Variants in RGS9 observed in about 807,000 individuals in gnomAD.
RGS9 encodes the protein regulator of G-protein signalling 9.
In RGS9, 78 loss-of-function variants were observed where a neutral mutation model predicts 102.0. The ratio of observed to expected loss-of-function variants is 0.76; its 90% confidence interval spans 0.64 to 0.92. RGS9 has a LOEUF of 0.92. Ranked by LOEUF, RGS9 falls within the 40% of genes least tolerant of loss-of-function variation. The pLI is 0.00. For synonymous variants in RGS9, 353 were observed against 318.6 expected (o/e 1.11, Z -1.15); for missense variants, 833 against 866.1 (o/e 0.96, Z 0.48).
At chr17:65,148,096 G>C (rs544806838) in intron 1 of RGS9, among the ~76,000 whole-genome samples, 112 of 152,216 alleles carry the variant, frequency 7.4e-4, no homozygotes, top group Non-Finnish European at 5.4e-4. Context: ...CTAACCCCTG[G>C]CAACCACCAT....
intron 14 of RGS9, among the ~76,000 whole-genome samples, chr17:65,202,497 G>C (rs1409837415): frequency 6.6e-6 from 1 of 150,454 alleles, no homozygotes; most frequent in African/African-American, 2.5e-5. Flanking sequence ...GCAGCAAGAT[G>C]GGAAACCTAT....
At chr17:65,193,254 C>CAAA (rs377349682) in intron 11 of RGS9, among the ~76,000 whole-genome samples, 24 of 83,146 alleles carry the variant, frequency 2.9e-4, no homozygotes, top group African/African-American at 7.7e-4. Flanking sequence ...TTGGCTGTCT[C>CAAA]AAAAAAAAAA....
At chr17:65,200,894 CATATCCACT>C (rs1243856149) in intron 13 of RGS9, among the ~76,000 whole-genome samples, 1 of 152,152 alleles carries the variant, frequency 6.6e-6, no homozygotes, top group East Asian at 1.9e-4. Flanking sequence ...TATGTAGATA[CATATCCACT>C]TATGTGTCCA....
At chr17:65,163,782 A>G (rs1485390461) in intron 7 of RGS9, among the ~76,000 whole-genome samples, 3 of 152,218 alleles carry the variant, frequency 2.0e-5, no homozygotes, top group African/African-American at 7.2e-5. Flanking sequence ...CAGAGGCTGG[A>G]GGCAGGAGTG....
intron 13 of RGS9, 72 bp downstream of exon 13, chr17:65,197,313 G>T: frequency 9.9e-7 from 1 of 1,013,338 alleles, no homozygotes; most frequent in South Asian, 1.4e-5. Flanking sequence ...TCTAGCCTAG[G>T]GTTTGGGGAA....
chr17:65,207,012 T>C (rs957079475), intron 15 of RGS9, among the ~76,000 whole-genome samples: 2 of 152,220 alleles, frequency 1.3e-5, no homozygotes, highest in African/African-American at 2.4e-5. Flanking sequence ...CTTTGTCCCA[T>C]ATTGGGTATG....
intron 1 of RGS9, among the ~76,000 whole-genome samples, chr17:65,140,885 TAA>T (rs5821625): frequency 2.3e-3 from 333 of 146,112 alleles, no homozygotes; most frequent in Non-Finnish European, 2.4e-3. Context: ...AGACTCTGTC[TAA>T]AAAAAAAAAA....
intron 9 of RGS9, among the ~76,000 whole-genome samples, chr17:65,188,133 G>C (rs1012504195): frequency 6.6e-6 from 1 of 151,996 alleles, no homozygotes; most frequent in Non-Finnish European, 1.5e-5. Context: ...CAGTCTCCAG[G>C]AGTTACATGG....
intron 7 of RGS9, among the ~76,000 whole-genome samples, chr17:65,164,243 G>C (rs1469840689): frequency 6.6e-6 from 1 of 152,096 alleles, no homozygotes. Flanking sequence ...CCACTTCCAG[G>C]ACCCATATGC....
intron 8 of RGS9, among the ~76,000 whole-genome samples, chr17:65,170,091 G>A (rs1034272475): frequency 8.0e-6 from 1 of 124,942 alleles, no homozygotes; most frequent in African/African-American, 3.2e-5. Context: ...GCCTTGCTCT[G>A]TCACCCAGGC....
intron 17 of RGS9, among the ~76,000 whole-genome samples, chr17:65,215,708 C>T (rs547557933): frequency 7.8e-6 from 1 of 127,780 alleles, no homozygotes; most frequent in East Asian, 2.0e-4. Context: ...TTACAGGCAC[C>T]CACCACCACG....
intron 14 of RGS9, among the ~76,000 whole-genome samples, chr17:65,202,327 AG>A (rs1401146324): frequency 6.6e-6 from 1 of 151,886 alleles, no homozygotes; most frequent in African/African-American, 2.4e-5. Flanking sequence ...GAATGTGTCT[AG>A]GGGTTAAAAA....
At chr17:65,177,670 C>A in intron 8 of RGS9, 62 bp from the exon 9 acceptor site, 1 of 1,482,868 alleles carries the variant, frequency 6.7e-7, no homozygotes, top group Non-Finnish European at 9.4e-7. Flanking sequence ...CCAAGACCCA[C>A]AGTTAACCAG....
chr17:65,225,311 C>T lies in RGS9; in HGVS notation c.1717C>T (p.Pro573Ser). 5 of 1,610,210 alleles carry T rather than the reference C, an allele frequency of 3.1e-6. No individual in the cohort carries two copies. The East Asian group carries it at 8.9e-5, about 29-fold the overall frequency. ...TSWPRSRPRA[P>S]PKARMALSFS... ...CTGGCCTCGCAGCCGGCCCAGGGCC[C>T]CTCCTAAGGCCCGCATGGCTCTGTC... The change falls in exon 18 of 19, where the codon CCT becomes TCT. Residue 573 changes from proline (P) to serine (S), a missense_variant. Coordinates refer to ENST00000262406, the MANE Select transcript of RGS9 (RefSeq NM_003835.4).
At chr17:65,192,647 G>C (rs751450042) in intron 11 of RGS9, among the ~76,000 whole-genome samples, 24 of 151,878 alleles carry the variant, frequency 1.6e-4, no homozygotes, top group Middle Eastern at 3.4e-3. Flanking sequence ...ATTACAGCTA[G>C]ATAGTGTTCT....
Position 65,198,399 on chromosome 17 carries a change from G to A in RGS9, c.976+1158G>A, listed in dbSNP as rs532966810. The stretch of plus-strand genomic sequence containing the variant: ...GCCTCCCAAGTAGCTGGGACTATAG[G>A]CACGTGCCACCACACCTGGCTAATT... On this transcript the variant is annotated intron_variant, in intron 13 of 18. Coordinates refer to ENST00000262406, the MANE Select transcript of RGS9 (RefSeq NM_003835.4). Among the ~76,000 whole-genome samples, 782 of 152,222 alleles carry A rather than the reference G, an allele frequency of 5.1e-3. 6 individuals are homozygous for A. Among genetic ancestry groups the A allele is most frequent in the African/African-American group, 0.017 (720 of 41,528 alleles).
intron 9 of RGS9, 115 bp from the exon 10 acceptor site, chr17:65,189,171 A>T: frequency 1.2e-6 from 1 of 836,996 alleles, no homozygotes. Context: ...ATCTTTTAAG[A>T]AAGAAAAAAA....
intron 8 of RGS9, among the ~76,000 whole-genome samples, chr17:65,171,251 T>A (rs542259177): frequency 6.6e-6 from 1 of 152,292 alleles, no homozygotes; most frequent in African/African-American, 2.4e-5. Flanking sequence ...GTGCTGGGTG[T>A]GAAATAACAG....
intron 17 of RGS9, 154 bp downstream of exon 17, chr17:65,210,759 G>A: frequency 3.8e-6 from 5 of 1,316,476 alleles, no homozygotes; most frequent in Non-Finnish European, 5.2e-6. Flanking sequence ...ATTTGTGGAG[G>A]TCATCAGGTT....
Sources: gnomAD v4.1 joint callset for allele counts (sites outside exome capture counted in the v4.1 genomes callset) on GRCh38, gnomAD v4.1.1 for gene constraint, MANE v1.5 for transcripts, NCBI Gene and HGNC (gene_info 2026-07-23, HGNC 2026-07-21) for gene names.